The following MAP7D1 variants were observed in gnomAD, a reference collection of about 807,000 sequenced individuals.
The protein encoded by MAP7D1 is MAP7 domain-containing protein 1.
MAP7D1 carries 30 observed loss-of-function variants against 97.5 expected under a neutral mutation model. That is an observed-to-expected ratio of 0.31 (90% CI 0.23 to 0.42). The LOEUF (loss-of-function observed/expected upper bound fraction) is 0.42. MAP7D1 is among the 10% of genes least tolerant of loss of function. The pLI, the probability that MAP7D1 is intolerant of heterozygous loss-of-function variation, is 1.00. For synonymous variants in MAP7D1, 536 were observed against 477.1 expected, an observed-to-expected ratio of 1.12 and a Z score of -1.61; for missense variants, 1,184 against 1,179.5, an observed-to-expected ratio of 1.00 and a Z score of -0.06.
intron 12 of MAP7D1, 49 bp downstream of exon 12, chr1:36,179,074 G>A (rs915827184): frequency 1.4e-6 from 2 of 1,442,488 alleles, no homozygotes; most frequent in East Asian, 2.5e-5. Context: ...GGCAGGGCGG[G>A]CCAGGTGGGC....
Position 36,159,651 on chromosome 1 carries a change from G to A in MAP7D1, c.46+3188G>A, listed in dbSNP as rs988010445. Among the ~76,000 whole-genome samples, 3 of 152,190 alleles carry A rather than the reference G, an allele frequency of 2.0e-5. No individual in the cohort carries two copies. The highest frequency in any genetic ancestry group is 2.4e-5 in the African/African-American group (1 of 41,450). ...TGGACGGCAGAGAAGTGAATCAGAC[G>A]GAGTTTTGACTCTTGGGGAGCTCTT... On this transcript the variant is annotated intron_variant, in intron 1 of 16. Transcript: ENST00000474796. This position sits in a 1 kb window ranked among gnomAD's most constrained non-coding sequence, Gnocchi z 5.4.
intron 1 of MAP7D1, among the ~76,000 whole-genome samples, chr1:36,167,553 C>A (rs1644488272): frequency 6.6e-6 from 1 of 152,168 alleles, no homozygotes; most frequent in Non-Finnish European, 1.5e-5. Context: ...AAGCCCCTGC[C>A]AGGTGCCACC....
rs910228549 is a variant in MAP7D1, at chr1:36,159,679, C to T, written c.46+3216C>T. On this transcript the variant is annotated intron_variant, in intron 1 of 16. Coordinates refer to ENST00000474796, the MANE Select transcript of MAP7D1 (RefSeq NM_001388490.1). This position sits in a 1 kb window ranked among gnomAD's most constrained non-coding sequence, Gnocchi z 5.4. ...GTTTTGACTCTTGGGGAGCTCTTAA[C>T]GCGGCGAGGAAGGCAGATGTGTTCA... Among the ~76,000 whole-genome samples the T allele has an allele frequency of 1.3e-5, 2 of 152,118 alleles. No individual in the cohort carries two copies. The highest frequency in any genetic ancestry group is 4.8e-5 in the African/African-American group (2 of 41,422).
At position 36,156,345 on chromosome 1, in the gene MAP7D1, G is replaced by C; in HGVS notation, c.-73G>C. The C allele has an allele frequency of 7.7e-7, 1 of 1,303,850 alleles. No homozygotes were observed. The highest frequency in any genetic ancestry group is 1.0e-6 in the Non-Finnish European group (1 of 986,418). 80.8% of individuals were successfully genotyped at this position (1,303,850 alleles called of 1,614,324 possible). On this transcript the variant is annotated 5_prime_UTR_variant, in exon 1 of 17. Transcript: ENST00000474796. ...CCGGGCCGGGCGTGATGCGCCGCGG[G>C]ACCCCTGTCCTGGCCACTGGCCGCC...
chr1:36,179,663 C>A lies in MAP7D1; in HGVS notation c.2228-3C>A. On this transcript the variant is annotated splice_region_variant and splice_polypyrimidine_tract_variant and intron_variant, in intron 14 of 16. Coordinates refer to ENST00000474796, the MANE Select transcript of MAP7D1 (RefSeq NM_001388490.1). Reference sequence around the variant, plus strand: ...GCTGATGGCCCCTCTTTCCCTGTGACAGAGCCTGTGAAAGCTGTGGAGGCT... The same window carrying A: ...GCTGATGGCCCCTCTTTCCCTGTGAAAGAGCCTGTGAAAGCTGTGGAGGCT... 1 of 1,533,804 alleles carries A rather than the reference C, an allele frequency of 6.5e-7. No homozygotes were observed. The highest frequency in any genetic ancestry group is 2.1e-5 in the Admixed American group (1 of 48,676).
At chr1:36,178,279 G>A (rs1258532904) in intron 9 of MAP7D1, 78 bp downstream of exon 9, 3 of 1,477,648 alleles carry the variant, frequency 2.0e-6, no homozygotes, top group African/African-American at 1.4e-5. Context: ...GGCCGCCAGA[G>A]ATGCCTGAGG....
At position 36,156,352 on chromosome 1, in the gene MAP7D1, G is replaced by C. The variant is rs1285342360; in HGVS notation, c.-66G>C. On this transcript the variant is annotated 5_prime_UTR_variant, in exon 1 of 17. Coordinates refer to ENST00000474796, the MANE Select transcript of MAP7D1 (RefSeq NM_001388490.1). ...GGGCGTGATGCGCCGCGGGACCCCT[G>C]TCCTGGCCACTGGCCGCCGCCGCCG... The C allele has an allele frequency of 2.1e-6, 3 of 1,402,366 alleles. No homozygotes were observed. Among genetic ancestry groups the C allele is most frequent in the African/African-American group, 3.0e-5 (2 of 66,558 alleles). The allele number at this position is 1,402,366 out of a possible 1,614,324, so 86.9% of individuals were successfully genotyped here. A position where few individuals can be genotyped will look rare whatever the true frequency, so the allele number is the denominator to read the frequency against.
chr1:36,157,185 C>T, intron 1 of MAP7D1: 1 of 152,360 alleles, frequency 6.6e-6, no homozygotes, highest in Non-Finnish European at 1.5e-5. Flanking sequence ...TACTCTGGAG[C>T]CCACCCAGCC....
chr1:36,166,368 A>G (rs1192522539), intron 1 of MAP7D1, among the ~76,000 whole-genome samples: 1 of 150,780 alleles, frequency 6.6e-6, no homozygotes, highest in Non-Finnish European at 1.5e-5. Context: ...GGATTTTGTC[A>G]GAGGAGTGAC....
chr1:36,175,610 T>C (rs1363334314), intron 6 of MAP7D1, among the ~76,000 whole-genome samples: 1 of 152,214 alleles, frequency 6.6e-6, no homozygotes, highest in Non-Finnish European at 1.5e-5. Context: ...CTTGCATTTG[T>C]TTGGCTGCTT....
At position 36,180,294 on chromosome 1, in the gene MAP7D1, G is replaced by A. The variant is rs1644699264; in HGVS notation, c.*36G>A. 4 of 1,613,900 alleles carry A rather than the reference G, an allele frequency of 2.5e-6. No individual in the cohort carries two copies. In the South Asian group the frequency reaches 3.3e-5, roughly 13 times the overall value. ...CTTGGATCCGGGCACAGTTGTGAGG[G>A]CTCCTCTGCATCACCTACCAGGATG... On this transcript the variant is annotated 3_prime_UTR_variant, in exon 17 of 17. Transcript: ENST00000474796.
Position 36,178,727 on chromosome 1 carries a change from G to A in MAP7D1, c.1929G>A (p.Arg643=), listed in dbSNP as rs1212494810. 6.5e-7 allele frequency: 1 copy of A among 1,541,270 alleles called. No homozygotes were observed. Among genetic ancestry groups the A allele is most frequent in the Non-Finnish European group, 8.7e-7 (1 of 1,143,784 alleles). Residue 643 remains arginine, a synonymous_variant, in exon 11 of 17, where the codon CGG becomes CGA. Transcript: ENST00000474796. ...AGCTGGCACGGGAGGCCGAGGCCCG[G>A]GCGGAGCGGGAGGCGGAGGCCCGGA... ...EEQLAREAEA[R]AEREAEARRR...
intron 1 of MAP7D1, among the ~76,000 whole-genome samples, chr1:36,167,525 G>T (rs1301246794): frequency 6.6e-6 from 1 of 152,118 alleles, no homozygotes; most frequent in African/African-American, 2.4e-5. Flanking sequence ...ATATTCTTCG[G>T]GGCAGGTGCT....
intron 11 of MAP7D1, 45 bp from the exon 12 acceptor site, chr1:36,178,876 G>C: frequency 6.5e-7 from 1 of 1,548,880 alleles, no homozygotes; most frequent in South Asian, 1.2e-5. Context: ...GGCCGGGAGG[G>C]AAGGCTGGAG....
intron 14 of MAP7D1, 35 bp from the exon 15 acceptor site, chr1:36,179,631 G>A: frequency 6.5e-7 from 1 of 1,544,420 alleles, no homozygotes; most frequent in South Asian, 1.2e-5. Flanking sequence ...TCTCTTGCCA[G>A]CCCCTGGCTG....
rs774548876 is a variant in MAP7D1, at chr1:36,179,661, G to A, written c.2228-5G>A. Reference sequence around the variant, plus strand: ...TGGCTGATGGCCCCTCTTTCCCTGTGACAGAGCCTGTGAAAGCTGTGGAGG... The same window carrying A: ...TGGCTGATGGCCCCTCTTTCCCTGTAACAGAGCCTGTGAAAGCTGTGGAGG... On this transcript the variant is annotated splice_region_variant and splice_polypyrimidine_tract_variant and intron_variant, in intron 14 of 16. Transcript: ENST00000474796. 7 of 1,532,844 alleles carry A rather than the reference G, an allele frequency of 4.6e-6. No individual in the cohort carries two copies. The South Asian group carries it at 7.5e-5, about 16-fold the overall frequency. The allele number at this position is 1,532,844 out of a possible 1,614,324, so 95.0% of individuals were successfully genotyped here.
chr1:36,171,115 T>A lies in MAP7D1; in HGVS notation c.191T>A (p.Leu64His). ...AMKNATSSKQ[L>H]PLEPESPSGQ... ...AAGAATGCCACTAGCTCTAAGCAGC[T>A]CCCACTGGAACCAGAGAGCCCCTCA... Residue 64 changes from leucine to histidine, a missense_variant, in exon 2 of 17, where the codon CTC becomes CAC. By Grantham distance (99) the Leu-to-His change is moderately conservative. Transcript: ENST00000474796. 1 of 1,605,410 alleles carries A rather than the reference T, an allele frequency of 6.2e-7. No individual in the cohort carries two copies. Among genetic ancestry groups the A allele is most frequent in the Non-Finnish European group, 8.5e-7 (1 of 1,178,142 alleles).
Position 36,159,023 on chromosome 1 carries a change from T to C in MAP7D1, c.46+2560T>C, listed in dbSNP as rs775918731. Among the ~76,000 whole-genome samples the C allele has an allele frequency of 1.3e-5, 2 of 149,524 alleles. No individual in the cohort carries two copies. The highest frequency in any genetic ancestry group is 4.9e-5 in the African/African-American group (2 of 40,666). On this transcript the variant is annotated intron_variant, in intron 1 of 16. Transcript: ENST00000474796. This position sits in a 1 kb window ranked among gnomAD's most constrained non-coding sequence, Gnocchi z 5.4. ...TGGCACATAGCCAGTGCCCAATAAGTGCTAGCCATTTGTTATTTATTTATT... is the reference window on the plus strand; with the variant it reads ...TGGCACATAGCCAGTGCCCAATAAGCGCTAGCCATTTGTTATTTATTTATT...
intron 13 of MAP7D1, 93 bp from the exon 14 acceptor site, chr1:36,179,422 G>T (rs1644683359): frequency 1.3e-6 from 2 of 1,571,570 alleles, no homozygotes; most frequent in East Asian, 2.3e-5. Context: ...CAGGGAGGCC[G>T]CTGCGGCCCG....
Sources: allele counts gnomAD v4.1 joint callset (sites outside exome capture counted in the v4.1 genomes callset), GRCh38; gene constraint gnomAD v4.1.1; non-coding constraint Gnocchi (gnomAD v3.1); transcripts MANE v1.5; gene names NCBI Gene and HGNC (gene_info 2026-07-23, HGNC 2026-07-21).